Variants in RORA observed in about 807,000 individuals in gnomAD.
RORA encodes the protein RAR related orphan receptor A.
In RORA, 7 loss-of-function variants were observed where a neutral mutation model predicts 69.5. That is an observed-to-expected ratio of 0.10 (90% CI 0.06 to 0.19). The LOEUF is 0.19. RORA is among the 10% of genes least tolerant of loss of function. The pLI is 1.00. For synonymous variants in RORA, 261 were observed against 240.8 expected, an observed-to-expected ratio of 1.08 and a Z score of -0.78; for missense variants, 457 against 663.0, an observed-to-expected ratio of 0.69 and a Z score of 3.41.
intron 1 of RORA, among the ~76,000 whole-genome samples, chr15:60,913,905 A>T (rs991486827): frequency 6.6e-6 from 1 of 151,688 alleles, no homozygotes; most frequent in African/African-American, 2.4e-5. Flanking sequence ...ACAATTGACC[A>T]CTCCTTTTGC....
At chr15:60,627,542 G>C in intron 2 of RORA, 2 of 1,392,426 alleles carry the variant, frequency 1.4e-6, no homozygotes, top group Non-Finnish European at 1.9e-6. Flanking sequence ...GCTGCCATGG[G>C]CAGTGGAATC....
At chr15:61,138,863 A>T (rs1332643000) in intron 1 of RORA, among the ~76,000 whole-genome samples, 1 of 152,174 alleles carries the variant, frequency 6.6e-6, no homozygotes, top group Non-Finnish European at 1.5e-5. Flanking sequence ...AAAAAAACAC[A>T]GGCCGGGCGC....
intron 1 of RORA, among the ~76,000 whole-genome samples, chr15:60,795,576 T>C (rs1284250170): frequency 6.6e-6 from 1 of 152,180 alleles, no homozygotes; most frequent in Non-Finnish European, 1.5e-5. Flanking sequence ...TATGATGCAA[T>C]GATGAAGGAG....
intron 2 of RORA, among the ~76,000 whole-genome samples, chr15:60,565,758 T>C (rs763618207): frequency 3.3e-5 from 5 of 152,242 alleles, no homozygotes; most frequent in Non-Finnish European, 4.4e-5. Flanking sequence ...TTTCTTTAAA[T>C]TAGCTAATTA....
chr15:61,095,592 G>A (rs1313325576), intron 1 of RORA, among the ~76,000 whole-genome samples: 1 of 152,216 alleles, frequency 6.6e-6, no homozygotes, highest in African/African-American at 2.4e-5. Context: ...TGGAGAATGA[G>A]GTTGTGCAAG....
At chr15:60,737,400 A>G (rs917446130) in intron 1 of RORA, among the ~76,000 whole-genome samples, 2 of 152,178 alleles carry the variant, frequency 1.3e-5, no homozygotes, top group African/African-American at 4.8e-5. Flanking sequence ...AAAAAGACCA[A>G]TGGAAGGTTA....
At chr15:61,227,663 C>T (rs1280773502) in intron 1 of RORA, among the ~76,000 whole-genome samples, 1 of 152,016 alleles carries the variant, frequency 6.6e-6, no homozygotes, top group Admixed American at 6.5e-5. Flanking sequence ...GGGAGCAGTT[C>T]CTGGGGCCCC....
chr15:60,719,203 T>C (rs1048531785), intron 1 of RORA, among the ~76,000 whole-genome samples: 1 of 152,196 alleles, frequency 6.6e-6, no homozygotes, highest in Non-Finnish European at 1.5e-5. Context: ...CATGGCATTA[T>C]AGTTATATAA....
chr15:60,607,653 T>C (rs748441214), intron 2 of RORA, among the ~76,000 whole-genome samples: 1 of 152,236 alleles, frequency 6.6e-6, no homozygotes, highest in Non-Finnish European at 1.5e-5. Context: ...TAAAAACTCT[T>C]CAAACACAAC....
At chr15:60,951,255 C>G (rs906856049) in intron 1 of RORA, among the ~76,000 whole-genome samples, 39 of 147,200 alleles carry the variant, frequency 2.6e-4, no homozygotes, top group Middle Eastern at 3.2e-3. Context: ...AACAAAGACA[C>G]AACATACCAG....
chr15:60,592,627 C>G, intron 2 of RORA: 1 of 1,146,804 alleles, frequency 8.7e-7, no homozygotes, highest in Non-Finnish European at 1.1e-6. Context: ...CGCTTCCTCC[C>G]GGGGCGGGAG....
chr15:60,666,346 C>CTTTTTTTTTTT (rs1161494532), intron 2 of RORA, among the ~76,000 whole-genome samples: 1 of 132,430 alleles, frequency 7.6e-6, no homozygotes, highest in Admixed American at 7.5e-5. Context: ...TAATTTCTTT[C>CTTTTTTTTTTT]TTTTTTTTTT....
intron 2 of RORA, among the ~76,000 whole-genome samples, chr15:60,575,355 T>C (rs1014909413): frequency 6.6e-6 from 1 of 152,230 alleles, no homozygotes; most frequent in African/African-American, 2.4e-5. Context: ...GTTACAGCTT[T>C]GTACGTGTAC....
intron 1 of RORA, among the ~76,000 whole-genome samples, chr15:61,095,276 G>T (rs144939560): frequency 1.3e-5 from 2 of 152,242 alleles, no homozygotes; most frequent in Non-Finnish European, 2.9e-5. Flanking sequence ...ATGATCATAG[G>T]GGGTAGTTTT....
chr15:60,947,007 G>C (rs75747176), intron 1 of RORA, among the ~76,000 whole-genome samples: 36,441 of 150,952 alleles, frequency 0.24, 4,905 homozygotes, highest in Non-Finnish European at 0.3. Context: ...GCCCCTTCCG[G>C]GAGGGAGGTG....
At chr15:60,914,696 G>A (rs76778274) in intron 1 of RORA, among the ~76,000 whole-genome samples, 296 of 152,278 alleles carry the variant, frequency 1.9e-3, no homozygotes, top group African/African-American at 6.9e-3. Flanking sequence ...ACTTGACTGG[G>A]AAGTAATCTG....
intron 2 of RORA, among the ~76,000 whole-genome samples, chr15:60,605,563 G>A (rs1023712914): frequency 1.3e-5 from 2 of 152,222 alleles, no homozygotes; most frequent in Admixed American, 1.3e-4. Context: ...TATACAGATG[G>A]TTTTCTTACA....
In RORA at chr15:60,511,628, G is replaced by GA. The variant is rs1361012941; in HGVS notation, c.425-8dup. 1.3e-6 allele frequency: 2 copies of GA among 1,596,890 alleles called. No homozygotes were observed. Among genetic ancestry groups the GA allele is most frequent in the South Asian group, 2.2e-5 (2 of 88,928 alleles). Reference sequence around the variant, plus strand: ...ATTCGGCCAAATTTTACAGCTGGAAGAAAAAAGCCAAACCATACTACATAC... The same window carrying GA: ...ATTCGGCCAAATTTTACAGCTGGAAGAAAAAAAGCCAAACCATACTACATAC... On this transcript the variant is annotated splice_region_variant and splice_polypyrimidine_tract_variant and intron_variant, in intron 4 of 10. Coordinates refer to ENST00000335670, the MANE Select transcript of RORA (RefSeq NM_134261.3). The surrounding 1 kb of genome is among the most constrained non-coding windows in gnomAD (Gnocchi z 6.4).
chr15:60,597,450 T>C (rs2068691326), intron 2 of RORA, among the ~76,000 whole-genome samples: 1 of 142,238 alleles, frequency 7.0e-6, no homozygotes, highest in South Asian at 2.4e-4. Context: ...GGGACCTCCA[T>C]TCCTTTATGT....
Sources: gnomAD v4.1 joint callset for allele counts (sites outside exome capture counted in the v4.1 genomes callset) on GRCh38, gnomAD v4.1.1 for gene constraint, Gnocchi (gnomAD v3.1) non-coding constraint, MANE v1.5 for transcripts, NCBI Gene and HGNC (gene_info 2026-07-23, HGNC 2026-07-21) for gene names.